Variants in CSMD1 observed in about 807,000 individuals in gnomAD.
The protein encoded by CSMD1 is CUB and sushi domain-containing protein 1.
In CSMD1, 213 loss-of-function variants were observed where a neutral mutation model predicts 417.5. That is an observed-to-expected ratio of 0.51 (90% CI 0.46 to 0.57). The LOEUF is 0.57. Among genes scored for constraint, CSMD1 ranks in the 20% least tolerant of loss-of-function variants. CSMD1 has a pLI of 0.00. For synonymous variants in CSMD1, 2,862 were observed against 1,736.8 expected, an observed-to-expected ratio of 1.65 and a Z score of -16.11; for missense variants, 6,923 against 4,529.7, an observed-to-expected ratio of 1.53 and a Z score of -15.17.
chr8:3,306,410 G>GT (rs1186325466), intron 25 of CSMD1, among the ~76,000 whole-genome samples: 1 of 152,124 alleles, frequency 6.6e-6, no homozygotes, highest in Non-Finnish European at 1.5e-5. Context: ...CTGATCTTAA[G>GT]TGATCCACCC....
intron 51 of CSMD1, among the ~76,000 whole-genome samples, chr8:3,025,918 GT>G (rs1316163391): frequency 6.6e-6 from 1 of 152,078 alleles, no homozygotes; most frequent in Non-Finnish European, 1.5e-5. Context: ...AATAATAATA[GT>G]TTTTAATGTA....
intron 12 of CSMD1, among the ~76,000 whole-genome samples, chr8:3,459,016 C>T (rs1563058740): frequency 6.6e-6 from 1 of 152,198 alleles, no homozygotes; most frequent in Non-Finnish European, 1.5e-5. Flanking sequence ...TGTTTCCTAC[C>T]CGCAAGGGTA....
At chr8:3,216,145 C>G (rs1030585988) in intron 29 of CSMD1, among the ~76,000 whole-genome samples, 2 of 151,440 alleles carry the variant, frequency 1.3e-5, no homozygotes, top group Non-Finnish European at 2.9e-5. Flanking sequence ...TGCCTTCAAA[C>G]CAGTGCTCTC....
intron 2 of CSMD1, among the ~76,000 whole-genome samples, chr8:4,529,893 T>G (rs1056092490): frequency 6.8e-6 from 1 of 146,276 alleles, no homozygotes; most frequent in African/African-American, 2.5e-5. Context: ...TTTAAATTTA[T>G]TTAATTTTTT....
chr8:4,337,972 G>C (rs1332083124), intron 3 of CSMD1, among the ~76,000 whole-genome samples: 3 of 152,014 alleles, frequency 2.0e-5, no homozygotes, highest in East Asian at 1.9e-4. Context: ...TATCAGTTTT[G>C]TCAACTGTAA....
intron 3 of CSMD1, among the ~76,000 whole-genome samples, chr8:4,284,997 A>G (rs1021182781): frequency 1.3e-5 from 2 of 152,306 alleles, no homozygotes; most frequent in South Asian, 4.1e-4. Flanking sequence ...CGGTTCCTTT[A>G]TTTGTAAAAT....
At chr8:4,938,003 C>T (rs1160377929) in intron 1 of CSMD1, among the ~76,000 whole-genome samples, 1 of 152,070 alleles carries the variant, frequency 6.6e-6, no homozygotes, top group African/African-American at 2.4e-5. Context: ...CTCATCCTCC[C>T]TCATGCAATC....
intron 2 of CSMD1, among the ~76,000 whole-genome samples, chr8:4,627,525 A>G (rs80202368): frequency 9.2e-5 from 14 of 152,152 alleles, no homozygotes; most frequent in Non-Finnish European, 1.5e-4. Context: ...TAAAATAACT[A>G]TTTCATTTCC....
intron 5 of CSMD1, among the ~76,000 whole-genome samples, chr8:3,993,521 A>C (rs1456851982): frequency 6.6e-6 from 1 of 152,214 alleles, no homozygotes; most frequent in Non-Finnish European, 1.5e-5. Flanking sequence ...CACCAATTAG[A>C]TTGACTTAAT....
At chr8:3,789,128 C>A (rs764434674) in intron 5 of CSMD1, among the ~76,000 whole-genome samples, 4 of 152,092 alleles carry the variant, frequency 2.6e-5, no homozygotes, top group Admixed American at 6.6e-5. Context: ...GTGACTAAGT[C>A]CTTTGTTTTA....
chr8:4,403,897 C>G (rs192137203), intron 3 of CSMD1, among the ~76,000 whole-genome samples: 2 of 152,246 alleles, frequency 1.3e-5, no homozygotes, highest in East Asian at 3.9e-4. Context: ...TCTCACATCC[C>G]CTACCCACAC....
chr8:3,796,508 T>G (rs1272613145), intron 5 of CSMD1, among the ~76,000 whole-genome samples: 5 of 144,042 alleles, frequency 3.5e-5, no homozygotes, highest in African/African-American at 1.3e-4. Flanking sequence ...TATAGATATA[T>G]ATATCTATAT....
chr8:4,793,354 C>A (rs889813209), intron 1 of CSMD1, among the ~76,000 whole-genome samples: 3 of 152,104 alleles, frequency 2.0e-5, no homozygotes, highest in African/African-American at 4.8e-5. Flanking sequence ...AACTACTACA[C>A]TGATATCATT....
At chr8:3,366,006 A>G (rs573311770) in intron 20 of CSMD1, among the ~76,000 whole-genome samples, 1 of 152,332 alleles carries the variant, frequency 6.6e-6, no homozygotes, top group South Asian at 2.1e-4. Flanking sequence ...GTGACACATA[A>G]TCTCATAAGT....
intron 20 of CSMD1, among the ~76,000 whole-genome samples, chr8:3,362,303 C>A (rs115577833): frequency 5.9e-5 from 9 of 152,200 alleles, no homozygotes; most frequent in Non-Finnish European, 1.3e-4. Context: ...AGACTGTCTT[C>A]CTCTCATCTA....
chr8:4,891,720 T>G (rs1351926781), intron 1 of CSMD1, among the ~76,000 whole-genome samples: 2 of 152,112 alleles, frequency 1.3e-5, no homozygotes, highest in Non-Finnish European at 2.9e-5. Context: ...TTAAAGAGTT[T>G]TCAAATAAAA....
chr8:4,583,017 C>T (rs1799502978), intron 2 of CSMD1, among the ~76,000 whole-genome samples: 1 of 152,212 alleles, frequency 6.6e-6, no homozygotes, highest in Admixed American at 6.5e-5. Context: ...CAGTGCCAGC[C>T]CACCGGCGCT....
intron 1 of CSMD1, among the ~76,000 whole-genome samples, chr8:4,862,949 T>C (rs1189246367): frequency 6.6e-6 from 1 of 151,846 alleles, no homozygotes; most frequent in East Asian, 1.9e-4. Flanking sequence ...AGAGAGATAA[T>C]GGCCACAAAG....
At chr8:4,731,634 A>G (rs1809872463) in intron 1 of CSMD1, among the ~76,000 whole-genome samples, 1 of 152,184 alleles carries the variant, frequency 6.6e-6, no homozygotes, top group African/African-American at 2.4e-5. Context: ...ACTCCAGGAG[A>G]AAGGTGGGAA....
Sources: gnomAD v4.1 joint callset for allele counts (sites outside exome capture counted in the v4.1 genomes callset) on GRCh38, gnomAD v4.1.1 for gene constraint, MANE v1.5 for transcripts, NCBI Gene and HGNC (gene_info 2026-07-23, HGNC 2026-07-21) for gene names.